The following RGL1 variants were observed in gnomAD, a reference collection of about 807,000 sequenced individuals.
The protein encoded by RGL1 is ral guanine nucleotide dissociation stimulator like 1.
A neutral mutation model predicts 95.2 loss-of-function variants in RGL1; 24 were observed. That is an observed-to-expected ratio of 0.25 (90% CI 0.18 to 0.35). The LOEUF (loss-of-function observed/expected upper bound fraction) is 0.35. Among genes scored for constraint, RGL1 ranks in the 10% least tolerant of loss-of-function variants. The pLI is 1.00. For synonymous variants in RGL1, 329 were observed against 344.9 expected, an observed-to-expected ratio of 0.95 and a Z score of 0.51; for missense variants, 715 against 936.3, an observed-to-expected ratio of 0.76 and a Z score of 3.08.
intron 2 of RGL1, among the ~76,000 whole-genome samples, chr1:183,797,997 G>A (rs979384515): frequency 7.2e-5 from 11 of 152,182 alleles, no homozygotes; most frequent in African/African-American, 2.2e-4. Context: ...TATAGTTTAT[G>A]AGTAAATTAT....
At chr1:183,727,863 G>T (rs935821986) in intron 1 of RGL1, among the ~76,000 whole-genome samples, 1 of 152,160 alleles carries the variant, frequency 6.6e-6, no homozygotes, top group Non-Finnish European at 1.5e-5. Context: ...CATGAAATAC[G>T]TGAGTATGAT....
intron 1 of RGL1, among the ~76,000 whole-genome samples, chr1:183,719,256 A>G (rs183976722): frequency 6.6e-6 from 1 of 152,326 alleles, no homozygotes; most frequent in Admixed American, 6.5e-5. Context: ...TCATTCATTG[A>G]TAGTCCAAGT....
intron 2 of RGL1, among the ~76,000 whole-genome samples, chr1:183,790,474 C>A (rs1660391922): frequency 6.6e-6 from 1 of 152,170 alleles, no homozygotes; most frequent in African/African-American, 2.4e-5. Flanking sequence ...CACTGCTTGT[C>A]TAATCCATGC....
intron 1 of RGL1, among the ~76,000 whole-genome samples, chr1:183,693,018 G>A (rs1654047566): frequency 6.6e-6 from 1 of 151,084 alleles, no homozygotes; most frequent in Non-Finnish European, 1.5e-5. Context: ...GCAGTGGCAC[G>A]ATCTCAGCTC....
At chr1:183,726,289 A>G (rs1656307524) in intron 1 of RGL1, among the ~76,000 whole-genome samples, 1 of 152,088 alleles carries the variant, frequency 6.6e-6, no homozygotes, top group Admixed American at 6.5e-5. Context: ...ATAGTAAAGA[A>G]GAGAAATAAA....
At chr1:183,742,310 A>G in intron 2 of RGL1, 1 of 1,613,664 alleles carries the variant, frequency 6.2e-7, no homozygotes, top group South Asian at 1.1e-5. Context: ...TCTAAATGAC[A>G]CAGTTGGTGA....
chr1:183,637,156 C>A (rs1228684624), intron 1 of RGL1, among the ~76,000 whole-genome samples: 1 of 152,138 alleles, frequency 6.6e-6, no homozygotes, highest in Non-Finnish European at 1.5e-5. Context: ...CAAGATTGTT[C>A]TTAGGATTAT....
At chr1:183,721,542 G>A (rs550901909) in intron 1 of RGL1, among the ~76,000 whole-genome samples, 3 of 152,276 alleles carry the variant, frequency 2.0e-5, no homozygotes, top group South Asian at 4.1e-4. Flanking sequence ...GTTAGAAAAC[G>A]CCTTTCCCCT....
At chr1:183,855,607 C>T (rs762146501) in intron 3 of RGL1, among the ~76,000 whole-genome samples, 8 of 152,122 alleles carry the variant, frequency 5.3e-5, no homozygotes, top group Non-Finnish European at 1.2e-4. Flanking sequence ...AGGAAGTTGT[C>T]AACAGAGAGA....
At chr1:183,829,966 A>T (rs937824022) in intron 2 of RGL1, among the ~76,000 whole-genome samples, 4 of 152,170 alleles carry the variant, frequency 2.6e-5, no homozygotes, top group South Asian at 2.1e-4. Flanking sequence ...TTGTTAAATT[A>T]TCTTCTCTGC....
chr1:183,685,338 G>T (rs552644059), intron 1 of RGL1, among the ~76,000 whole-genome samples: 30 of 152,236 alleles, frequency 2.0e-4, no homozygotes, highest in Non-Finnish European at 3.4e-4. Context: ...AGAGGCACCC[G>T]CATGGGATCT....
chr1:183,888,664 A>C (rs74133021), intron 8 of RGL1, 87 bp downstream of exon 8: 1 of 782,326 alleles, frequency 1.3e-6, no homozygotes, highest in Non-Finnish European at 2.2e-6. Context: ...CTTGTATCGC[A>C]TAACTAGAGA....
At chr1:183,661,630 C>G (rs1428243729) in intron 1 of RGL1, among the ~76,000 whole-genome samples, 1 of 150,328 alleles carries the variant, frequency 6.7e-6, no homozygotes, top group Non-Finnish European at 1.5e-5. Context: ...ACCAGAGGTA[C>G]AAGGAGGAAC....
chr1:183,703,618 T>G (rs1418815890), intron 1 of RGL1, among the ~76,000 whole-genome samples: 1 of 152,330 alleles, frequency 6.6e-6, no homozygotes, highest in East Asian at 1.9e-4. Context: ...AGACAACAAT[T>G]GGAGATATTA....
chr1:183,891,994 T>A, intron 8 of RGL1, 83 bp from the exon 9 acceptor site: 1 of 986,156 alleles, frequency 1.0e-6, no homozygotes, highest in Non-Finnish European at 1.6e-6. Flanking sequence ...TCCTTAGACA[T>A]GAGTCCTGAG....
At chr1:183,811,092 A>G (rs998163896) in intron 2 of RGL1, among the ~76,000 whole-genome samples, 7 of 152,220 alleles carry the variant, frequency 4.6e-5, no homozygotes, top group Admixed American at 4.6e-4. Flanking sequence ...AACAAAGTCT[A>G]CATGAAGATG....
intron 1 of RGL1, among the ~76,000 whole-genome samples, chr1:183,685,842 C>T (rs1952236): frequency 0.7 from 106,149 of 152,046 alleles, 37,436 homozygotes; most frequent in East Asian, 0.91. Flanking sequence ...ATGAATCCAA[C>T]TGGAAAAAAT....
intron 12 of RGL1, among the ~76,000 whole-genome samples, 177 bp downstream of exon 12, chr1:183,902,777 T>G (rs1668102967): frequency 6.6e-6 from 1 of 152,090 alleles, no homozygotes; most frequent in Non-Finnish European, 1.5e-5. Context: ...CCTTATGAGG[T>G]AGGTTTTATC....
chr1:183,782,100 T>C (rs1357438326), intron 2 of RGL1, among the ~76,000 whole-genome samples: 1 of 152,226 alleles, frequency 6.6e-6, no homozygotes, highest in Admixed American at 6.5e-5. Flanking sequence ...TACAAGTTAA[T>C]GTTCACCCTG....
Sources: gnomAD v4.1 joint callset for allele counts (sites outside exome capture counted in the v4.1 genomes callset) on GRCh38, gnomAD v4.1.1 for gene constraint, MANE v1.5 for transcripts, NCBI Gene and HGNC (gene_info 2026-07-23, HGNC 2026-07-21) for gene names.